Variants in GGT1 observed in about 807,000 individuals in gnomAD.
GGT1 encodes gamma-glutamyltransferase 1.
In GGT1, 21 loss-of-function variants were observed where a neutral mutation model predicts 56.0. The observed-to-expected ratio is 0.38, with a 90% CI of 0.27 to 0.54. The LOEUF is 0.54. GGT1 is among the 20% of genes least tolerant of loss of function. The pLI is 0.82. For missense variants in GGT1, 466 were observed against 787.0 expected (o/e 0.59, Z 4.88); for synonymous variants, 238 against 342.6 (o/e 0.69, Z 3.37).
chr22:24,604,198 G>A (rs1601623909), intron 1 of GGT1, among the ~76,000 whole-genome samples: 1 of 151,950 alleles, frequency 6.6e-6, no homozygotes, highest in South Asian at 2.1e-4. Context: ...GCAGGGTAAG[G>A]GGTGGGTGGG....
chr22:24,607,641 C>T (rs2330826), intron 1 of GGT1: 4 of 162,064 alleles, frequency 2.5e-5, no homozygotes, highest in South Asian at 2.6e-4. Context: ...GCTGGACCTC[C>T]GTGAGAGGCC....
chr22:24,620,016 TA>T lies in GGT1; in HGVS notation c.383-303del, dbSNP rs368336533. Among the ~76,000 whole-genome samples, 10 of 129,054 alleles carry T rather than the reference TA, an allele frequency of 7.7e-5. No individual in the cohort carries two copies. Among genetic ancestry groups the T allele is most frequent in the Admixed American group, 2.5e-4 (3 of 12,060 alleles). The allele number at this position is 129,054 out of a possible 152,430, so 84.7% of individuals were successfully genotyped here. On this transcript the variant is annotated intron_variant, in intron 7 of 15. Transcript: ENST00000400382. This position sits in a 1 kb window ranked among gnomAD's most constrained non-coding sequence, Gnocchi z 5.6. ...AAAAAAAAAATTAAACATCCCCTCCTAAAAAAAAACAATTAAAATTAAAAAA... is the reference window on the plus strand; with the variant it reads ...AAAAAAAAAATTAAACATCCCCTCCTAAAAAAAACAATTAAAATTAAAAAA...
upstream of GGT1, chr22:24,593,198 G>T: frequency 1.3e-6 from 1 of 747,750 alleles, no homozygotes; most frequent in Non-Finnish European, 1.6e-6. Context: ...AGCGAGGCCA[G>T]TGGGTTCCTC....
At chr22:24,613,561 C>A (rs2046852169) in intron 5 of GGT1, among the ~76,000 whole-genome samples, 1 of 147,630 alleles carries the variant, frequency 6.8e-6, no homozygotes, top group Non-Finnish European at 1.5e-5. Context: ...ACCAGCCTGG[C>A]CAACATGGTG....
At chr22:24,606,634 C>T (rs1373461378) in intron 1 of GGT1, among the ~76,000 whole-genome samples, 2 of 152,186 alleles carry the variant, frequency 1.3e-5, no homozygotes, top group African/African-American at 4.8e-5. Flanking sequence ...TGGGAAAGGA[C>T]TTGGTCACAG....
chr22:24,624,092 T>C lies in GGT1; in HGVS notation c.1020+176T>C, dbSNP rs2047597583. On this transcript the variant is annotated intron_variant, in intron 11 of 15. Transcript: ENST00000400382. ...CTCGTGGGTGACCCCCAGTCTTGGCTTCTGCCGCACAGAACTGACAGTGTG... is the reference window on the plus strand; with the variant it reads ...CTCGTGGGTGACCCCCAGTCTTGGCCTCTGCCGCACAGAACTGACAGTGTG... 4.1e-6 allele frequency: 4 copies of C among 985,332 alleles called. No individual in the cohort carries two copies. The South Asian group carries it at 1.4e-4, about 35-fold the overall frequency. The allele number at this position is 985,332 out of a possible 1,614,324, so 61.0% of individuals were successfully genotyped here.
chr22:24,611,348 C>G, intron 5 of GGT1, 103 bp downstream of exon 5: 2 of 759,280 alleles, frequency 2.6e-6, no homozygotes, highest in East Asian at 5.3e-5. Context: ...GTGTAAGCTT[C>G]GCTTGGACTC....
intron 2 of GGT1, chr22:24,609,310 T>C (rs1289316697): frequency 6.6e-6 from 1 of 152,004 alleles, no homozygotes; most frequent in Non-Finnish European, 1.5e-5. Flanking sequence ...GGATTCAGGC[T>C]GTGGTGGTCA....
At chr22:24,605,673 ATAT>A (rs1257886839) in intron 1 of GGT1, among the ~76,000 whole-genome samples, 2 of 64,324 alleles carry the variant, frequency 3.1e-5, no homozygotes, top group Admixed American at 3.2e-4. Flanking sequence ...TATATATTTA[ATAT>A]TATATAATGT....
At chr22:24,618,841 G>A (rs1389671010) in intron 7 of GGT1, among the ~76,000 whole-genome samples, 20 of 152,170 alleles carry the variant, frequency 1.3e-4, no homozygotes. Flanking sequence ...CCTGGGGGCA[G>A]AGGCCATAGT....
intron 9 of GGT1, among the ~76,000 whole-genome samples, chr22:24,621,515 G>C (rs1247938951): frequency 2.0e-5 from 3 of 148,628 alleles, no homozygotes; most frequent in Non-Finnish European, 4.4e-5. Flanking sequence ...CATGGGGAAG[G>C]GGATTTGTGG....
chr22:24,619,322 C>T (rs1398947411), intron 7 of GGT1, among the ~76,000 whole-genome samples: 2 of 144,754 alleles, frequency 1.4e-5, no homozygotes, highest in Non-Finnish European at 3.0e-5. Flanking sequence ...TGCTTGAACT[C>T]GGGAGGTGGA....
Position 24,605,128 on chromosome 22 carries a change from ATATAT to A in GGT1, c.-429+1607_-429+1611del, listed in dbSNP as rs2045986361. 1.8e-3 allele frequency among the ~76,000 whole-genome samples: 41 copies of A among 23,336 alleles called. 15 individuals carry two copies. Among genetic ancestry groups the A allele is most frequent in the Admixed American group, 5.4e-3 (7 of 1,308 alleles). 15.3% of individuals were successfully genotyped at this position (23,336 alleles called of 152,430 possible). On this transcript the variant is annotated intron_variant, in intron 1 of 15. Coordinates refer to ENST00000400382, the MANE Select transcript of GGT1 (RefSeq NM_001288833.2). ...TATATTATATATTATATAATATGTA[ATATAT>A]TATATAATATATAATATGTATTATA...
chr22:24,627,088 A>C (rs9624513), intron 11 of GGT1: 2 of 547,402 alleles, frequency 3.7e-6, no homozygotes, highest in African/African-American at 4.1e-5. Flanking sequence ...TTGGCATGAG[A>C]GCAGGACCTA....
chr22:24,617,208 G>T (rs1345750453), intron 7 of GGT1, among the ~76,000 whole-genome samples: 1 of 152,190 alleles, frequency 6.6e-6, no homozygotes, highest in Non-Finnish European at 1.5e-5. Context: ...GCAGAGATGG[G>T]GTCAGGGGAG....
At chr22:24,616,228 A>T (rs2047055482) in intron 7 of GGT1, among the ~76,000 whole-genome samples, 1 of 152,038 alleles carries the variant, frequency 6.6e-6, no homozygotes, top group South Asian at 2.1e-4. Flanking sequence ...AGCCTGGCCA[A>T]CATAGTGAAA....
At chr22:24,592,830 G>A (rs2045613398), upstream of GGT1, 5 of 1,272,692 alleles carry the variant, frequency 3.9e-6, no homozygotes, top group South Asian at 2.3e-5. Context: ...CTCCCTGGCC[G>A]CCAGCCCAGG....
the GGT1 span, chr22:24,588,324 A>G: frequency 1.2e-6 from 2 of 1,611,220 alleles, no homozygotes; most frequent in South Asian, 1.1e-5. Flanking sequence ...TCCAGAGCTC[A>G]TAGTCCTGTG....
At chr22:24,585,637 G>A in the GGT1 span, 4 of 548,090 alleles carry the variant, frequency 7.3e-6, no homozygotes, top group African/African-American at 3.8e-5. Context: ...AAGCAGAGGC[G>A]GGTGTCACTC....
Sources: allele counts gnomAD v4.1 joint callset (sites outside exome capture counted in the v4.1 genomes callset), GRCh38; gene constraint gnomAD v4.1.1; non-coding constraint Gnocchi (gnomAD v3.1); transcripts MANE v1.5; gene names NCBI Gene and HGNC (gene_info 2026-07-23, HGNC 2026-07-21).